Variants in CTNNAL1 observed in about 807,000 individuals in gnomAD.
CTNNAL1 encodes catenin alpha like 1, also known as alpha-catulin.
CTNNAL1 carries 69 observed loss-of-function variants against 93.6 expected under a neutral mutation model. The observed-to-expected ratio is 0.74, with a 90% confidence interval of 0.61 to 0.90. The LOEUF (loss-of-function observed/expected upper bound fraction) is 0.90, where lower values mean the gene tolerates loss of function less well. CTNNAL1 is among the 40% of genes least tolerant of loss of function. The probability of loss-of-function intolerance (pLI) is 0.00; values close to 1 mark genes in which losing one functional copy is unlikely to be tolerated. For synonymous variants in CTNNAL1, 286 were observed against 305.4 expected (o/e 0.94, Z 0.66); for missense variants, 836 against 862.0 (o/e 0.97, Z 0.38).
At chr9:108,999,931 G>A (rs1172562018) in intron 1 of CTNNAL1, among the ~76,000 whole-genome samples, 1 of 152,138 alleles carries the variant, frequency 6.6e-6, no homozygotes, top group Non-Finnish European at 1.5e-5. Flanking sequence ...ACTAGTACAT[G>A]AACTATGCTG....
At chr9:108,946,413 C>G (rs1830405904) in intron 15 of CTNNAL1, among the ~76,000 whole-genome samples, 2 of 152,116 alleles carry the variant, frequency 1.3e-5, no homozygotes, top group Admixed American at 1.3e-4. Flanking sequence ...TCTGATACAC[C>G]CAGCCCTACC....
chr9:108,947,392 C>A (rs547798989), intron 15 of CTNNAL1, among the ~76,000 whole-genome samples: 2 of 152,214 alleles, frequency 1.3e-5, no homozygotes, highest in Admixed American at 6.5e-5. Flanking sequence ...GGATTACAGG[C>A]GTGAGCCACC....
Position 108,990,823 on chromosome 9 carries a change from A to G in CTNNAL1, c.542T>C (p.Leu181Pro), listed in dbSNP as rs1292949248. ...RNKVLATMER[L>P]EKVNSFQEFV... ...CTCTTGAAAGCTATTCACTTTCTCTAGTCTTTCCATAGTTGCGAGAACCTG... is the reference window on the plus strand; with the variant it reads ...CTCTTGAAAGCTATTCACTTTCTCTGGTCTTTCCATAGTTGCGAGAACCTG... The change falls in exon 4 of 19, where the codon CTA becomes CCA. Residue 181 changes from leucine (L) to proline (P), a missense_variant. By Grantham distance (98) the Leu-to-Pro change is moderately conservative (BLOSUM62 -3). Transcript: ENST00000325551. 1 of 1,613,314 alleles carries G rather than the reference A, an allele frequency of 6.2e-7. No individual in the cohort carries two copies. The highest frequency in any genetic ancestry group is 1.7e-5 in the Admixed American group (1 of 59,838).
At chr9:108,986,863 T>G (rs1458388653) in intron 4 of CTNNAL1, among the ~76,000 whole-genome samples, 1 of 152,214 alleles carries the variant, frequency 6.6e-6, no homozygotes, top group Non-Finnish European at 1.5e-5. Context: ...TTGCCCACTT[T>G]TTGATGGGGT....
In CTNNAL1 at chr9:108,948,313, G is replaced by A. The variant is rs894464733; in HGVS notation, c.1836-79C>T. ...GACTTTATAATATTAAAATTTTAGAGCATTTGTGTATTAACAAATCCTAAA... is the reference window on the plus strand; with the variant it reads ...GACTTTATAATATTAAAATTTTAGAACATTTGTGTATTAACAAATCCTAAA... On this transcript the variant is annotated intron_variant, in intron 14 of 18. Transcript: ENST00000325551. The A allele has an allele frequency of 1.4e-5, 19 of 1,364,924 alleles. No homozygotes were observed. In the Admixed American group the frequency reaches 2.7e-4, roughly 19 times the overall value. The allele number at this position is 1,364,924 out of a possible 1,614,324, so 84.6% of individuals were successfully genotyped here. A position where few individuals can be genotyped will look rare whatever the true frequency, so the allele number is the denominator to read the frequency against.
chr9:108,943,340 A>G (rs1830302630), intron 17 of CTNNAL1, among the ~76,000 whole-genome samples: 2 of 152,180 alleles, frequency 1.3e-5, no homozygotes, highest in Non-Finnish European at 2.9e-5. Flanking sequence ...GTGGAATTAA[A>G]TCCCATCCTT....
intron 14 of CTNNAL1, among the ~76,000 whole-genome samples, chr9:108,950,155 A>G (rs1830518856): frequency 6.6e-6 from 1 of 152,218 alleles, no homozygotes; most frequent in Admixed American, 6.5e-5. Flanking sequence ...TTTTAAAAGC[A>G]TGATTTTCAT....
intron 3 of CTNNAL1, 126 bp downstream of exon 3, chr9:108,992,506 T>C (rs961598714): frequency 8.1e-7 from 1 of 1,228,458 alleles, no homozygotes; most frequent in Admixed American, 3.0e-5. Flanking sequence ...CATTGCACAT[T>C]AATTCCCACA....
In CTNNAL1 at chr9:108,946,236, C is replaced by G. The variant is rs536147824; in HGVS notation, c.1884+1950G>C. Among the ~76,000 whole-genome samples, 23 of 149,656 alleles carry G rather than the reference C, an allele frequency of 1.5e-4. 1 individual carries two copies. The East Asian group carries it at 3.6e-3, about 23-fold the overall frequency. ...ATCACTTGAACCCGGGAGGCGGAGG[C>G]TGTAGTGAGCCGAGATCGTGCCACT... On this transcript the variant is annotated intron_variant, in intron 15 of 18. Transcript: ENST00000325551.
chr9:108,971,330 T>C (rs1037974626), intron 9 of CTNNAL1, among the ~76,000 whole-genome samples: 2 of 152,236 alleles, frequency 1.3e-5, no homozygotes, highest in Non-Finnish European at 2.9e-5. Flanking sequence ...TGTGCATTTA[T>C]ACACATGTTG....
intron 1 of CTNNAL1, among the ~76,000 whole-genome samples, chr9:109,007,046 C>G (rs1401191645): frequency 1.3e-5 from 2 of 152,056 alleles, no homozygotes; most frequent in South Asian, 2.1e-4. Flanking sequence ...TGGTGAAACT[C>G]CATCTCTACA....
chr9:108,972,864 G>GGGGGGGGGCCGCCCCCCCCC, intron 8 of CTNNAL1, 31 bp from the exon 9 acceptor site: 1 of 142,582 alleles, frequency 7.0e-6, no homozygotes, highest in Non-Finnish European at 1.0e-5. Context: ...GGGGGGGTGG[G>GGGGGGGGGCCGCCCCCCCCC]AGGGTGGAGA....
intron 10 of CTNNAL1, among the ~76,000 whole-genome samples, chr9:108,965,740 T>C (rs535813204): frequency 1.3e-5 from 2 of 152,358 alleles, no homozygotes; most frequent in South Asian, 4.1e-4. Context: ...AGACAAATAG[T>C]ATGCATTATT....
rs377379338 is a variant in CTNNAL1, at chr9:108,979,445, G to C, written c.937C>G (p.Gln313Glu). Reference sequence around the variant, plus strand: ...GTCACAGAAAGGTTCTCTTTGGACTGAAAATAAAGATTCTCCCGAAGAGCT... The same window carrying C: ...GTCACAGAAAGGTTCTCTTTGGACTCAAAATAAAGATTCTCCCGAAGAGCT... ...IEALRENLYF[Q>E]SKENLSVTLE... Residue 313 changes from glutamine to glutamate, a missense_variant, in exon 7 of 19, where the codon CAG (glutamine) becomes GAG (glutamate). Physicochemically the swap from Gln to Glu is conservative, Grantham distance 29. Coordinates refer to ENST00000325551, the MANE Select transcript of CTNNAL1 (RefSeq NM_003798.4). 6.2e-7 allele frequency: 1 copy of C among 1,614,096 alleles called. No individual in the cohort carries two copies. Among genetic ancestry groups the C allele is most frequent in the Non-Finnish European group, 8.5e-7 (1 of 1,179,998 alleles).
rs1399075272 is a variant in CTNNAL1, at chr9:108,942,678, G to A, written c.*91C>T. 1.1e-6 allele frequency: 1 copy of A among 895,862 alleles called. No individual in the cohort carries two copies. Among genetic ancestry groups the A allele is most frequent in the East Asian group, 2.5e-5 (1 of 40,376 alleles). The allele number at this position is 895,862 out of a possible 1,614,324, so 55.5% of individuals were successfully genotyped here. A position where few individuals can be genotyped will look rare whatever the true frequency, so the allele number is the denominator to read the frequency against. ...TCAATATTGTTTTCTTTATAAAATT[G>A]ATGAATTTCTGAAAAGATAAAGGAT... On this transcript the variant is annotated 3_prime_UTR_variant, in exon 19 of 19. Coordinates refer to ENST00000325551, the MANE Select transcript of CTNNAL1 (RefSeq NM_003798.4).
Position 108,970,411 on chromosome 9 carries a change from A to G in CTNNAL1, c.1431T>C (p.Thr477=), listed in dbSNP as rs1831078278. ...CIHAEETFQV[T]GQQIISAAET... is the part of the protein sequence containing the mutation. Reference sequence around the variant, plus strand: ...TCTGCTATTATCATACCTGTTGGCCAGTCACCTGAAATGTCTCCTCTGCAT... The same window carrying G: ...TCTGCTATTATCATACCTGTTGGCCGGTCACCTGAAATGTCTCCTCTGCAT... Residue 477 remains threonine (T), a synonymous_variant, in exon 10 of 19, where the codon ACT becomes ACC. Coordinates refer to ENST00000325551, the MANE Select transcript of CTNNAL1 (RefSeq NM_003798.4). The G allele has an allele frequency of 3.7e-6, 6 of 1,611,634 alleles. No homozygotes were observed. Among genetic ancestry groups the G allele is most frequent in the South Asian group, 2.2e-5 (2 of 90,628 alleles).
intron 2 of CTNNAL1, among the ~76,000 whole-genome samples, chr9:108,998,686 T>G (rs185402386): frequency 6.6e-6 from 1 of 152,218 alleles, no homozygotes; most frequent in Non-Finnish European, 1.5e-5. Flanking sequence ...ATCATGAAGT[T>G]TGAAGTCACT....
chr9:108,969,905 C>T (rs1409068854), intron 10 of CTNNAL1, among the ~76,000 whole-genome samples: 1 of 152,194 alleles, frequency 6.6e-6, no homozygotes. Context: ...CTCCTGTACT[C>T]AAACGATCCT....
intron 3 of CTNNAL1, chr9:108,992,150 C>T (rs1193805358): frequency 1.0e-5 from 7 of 676,856 alleles, no homozygotes; most frequent in Non-Finnish European, 1.9e-5. Context: ...TCATAGTGCT[C>T]ACCTTTTCTT....
Sources: allele counts gnomAD v4.1 joint callset (sites outside exome capture counted in the v4.1 genomes callset), GRCh38; gene constraint gnomAD v4.1.1; transcripts MANE v1.5; gene names NCBI Gene and HGNC (gene_info 2026-07-23, HGNC 2026-07-21).